Variants in PTPRM observed in about 807,000 individuals in gnomAD.
PTPRM encodes the protein receptor-type tyrosine-protein phosphatase mu.
Under a neutral mutation model 186.7 loss-of-function variants are expected in PTPRM, and 47 were observed. The observed-to-expected ratio is 0.25, with a 90% CI of 0.20 to 0.32. The LOEUF (loss-of-function observed/expected upper bound fraction) is 0.32, where lower values mean the gene tolerates loss of function less well. Among genes scored for constraint, PTPRM ranks in the 10% least tolerant of loss-of-function variants. The pLI is 1.00. For missense variants in PTPRM, 1,494 were observed against 1,865.0 expected (o/e 0.80, Z 3.66); for synonymous variants, 668 against 674.9 (o/e 0.99, Z 0.16).
rs1164697967 is a variant in PTPRM, at chr18:8,063,169, T to G, written c.1133-6517T>G. On this transcript the variant is annotated intron_variant, in intron 7 of 32. Coordinates refer to ENST00000580170, the MANE Select transcript of PTPRM (RefSeq NM_001105244.2). Reference sequence around the variant, plus strand: ...GGGATATAGTCTCGTGGTGCGCCGTTTTTTAAGCCGGTCTGAAAAGCGCAG... The same window carrying G: ...GGGATATAGTCTCGTGGTGCGCCGTGTTTTAAGCCGGTCTGAAAAGCGCAG... Among the ~76,000 whole-genome samples the G allele has an allele frequency of 3.3e-5, 5 of 151,170 alleles. No homozygotes were observed. In the South Asian group the frequency reaches 1.0e-3, roughly 32 times the overall value.
intron 14 of PTPRM, among the ~76,000 whole-genome samples, chr18:8,230,273 G>A (rs1338682024): frequency 6.6e-6 from 1 of 152,208 alleles, no homozygotes; most frequent in South Asian, 2.1e-4. Flanking sequence ...AACAGAGAGT[G>A]GCTGGGTAGG....
At chr18:7,675,649 C>T (rs764953817) in intron 1 of PTPRM, among the ~76,000 whole-genome samples, 2 of 152,140 alleles carry the variant, frequency 1.3e-5, no homozygotes, top group Non-Finnish European at 2.9e-5. Flanking sequence ...GCATCTCACC[C>T]CTTTGCACAC....
At chr18:7,596,380 T>G (rs574278258) in intron 1 of PTPRM, among the ~76,000 whole-genome samples, 4 of 152,332 alleles carry the variant, frequency 2.6e-5, no homozygotes, top group Admixed American at 1.3e-4. Context: ...ATTTTCCATT[T>G]ATGTCACAAT....
At chr18:7,579,978 C>G (rs1338537717) in intron 1 of PTPRM, among the ~76,000 whole-genome samples, 2 of 152,186 alleles carry the variant, frequency 1.3e-5, no homozygotes, top group African/African-American at 4.8e-5. Context: ...ACTAGCTCAT[C>G]ATTTTGGCCA....
chr18:8,288,312 G>A (rs1486473250), intron 19 of PTPRM, among the ~76,000 whole-genome samples: 1 of 152,142 alleles, frequency 6.6e-6, no homozygotes. Flanking sequence ...CTTCATCATT[G>A]GCAACATGAC....
chr18:8,317,491 A>T (rs913144760), intron 21 of PTPRM, among the ~76,000 whole-genome samples: 3 of 152,156 alleles, frequency 2.0e-5, no homozygotes, highest in Non-Finnish European at 2.9e-5. Flanking sequence ...AAACAAGAAT[A>T]TAGGATTCAT....
intron 7 of PTPRM, among the ~76,000 whole-genome samples, chr18:8,038,808 G>C (rs758592646): frequency 3.9e-5 from 6 of 152,130 alleles, no homozygotes; most frequent in Non-Finnish European, 7.3e-5. Context: ...GCAAGTCTCT[G>C]TCTTACCCCT....
At chr18:8,019,581 CTTCTTTTCTT>C (rs879427110) in intron 7 of PTPRM, among the ~76,000 whole-genome samples, 1 of 151,578 alleles carries the variant, frequency 6.6e-6, no homozygotes, top group African/African-American at 2.4e-5. Context: ...TTTCCTCCTA[CTTCTTTTCTT>C]TTCTTTTCTT....
rs776894602 is a variant in PTPRM, at chr18:8,113,537, G to A, written c.1908G>A (p.Thr636=). ...AACGTCCTCGAAGAACTAAAAAGACGACAGAAATCTTAAAGTGCTACCCAG... is the reference window on the plus strand; with the variant it reads ...AACGTCCTCGAAGAACTAAAAAGACAACAGAAATCTTAAAGTGCTACCCAG... ...EEERPRRTKK[T]TEILKCYPVP... Residue 636 remains threonine (T), a synonymous_variant, in exon 12 of 33, where the codon ACG becomes ACA. Transcript: ENST00000580170. 4.6e-5 allele frequency: 74 copies of A among 1,613,614 alleles called. 2 individuals carry two copies. The South Asian group carries it at 4.6e-4, about 10-fold the overall frequency.
intron 23 of PTPRM, among the ~76,000 whole-genome samples, chr18:8,367,728 C>G: frequency 6.6e-6 from 1 of 152,196 alleles, no homozygotes; most frequent in East Asian, 1.9e-4. Flanking sequence ...GAGCGCATCT[C>G]CCAATAATCC....
intron 14 of PTPRM, among the ~76,000 whole-genome samples, chr18:8,238,659 T>G (rs558312419): frequency 0.23 from 31,253 of 133,828 alleles, 4,181 homozygotes; most frequent in African/African-American, 0.31. Flanking sequence ...GTGTTTTTTT[T>G]TTTTTTTTTT....
intron 1 of PTPRM, among the ~76,000 whole-genome samples, chr18:7,642,145 AAT>A (rs1391898682): frequency 2.0e-5 from 3 of 152,180 alleles, no homozygotes. Flanking sequence ...AAGAAAATTG[AAT>A]ATTTCTGAGA....
intron 7 of PTPRM, among the ~76,000 whole-genome samples, chr18:8,059,401 C>A: frequency 1.5e-5 from 1 of 68,838 alleles, no homozygotes; most frequent in Non-Finnish European, 2.8e-5. Context: ...CGTCTGCAAA[C>A]AGGGACAATT....
intron 2 of PTPRM, among the ~76,000 whole-genome samples, chr18:7,798,088 G>A (rs925128596): frequency 1.3e-5 from 2 of 152,144 alleles, no homozygotes; most frequent in African/African-American, 4.8e-5. Context: ...TCCCACTTGA[G>A]TGACAGAGAT....
intron 14 of PTPRM, among the ~76,000 whole-genome samples, chr18:8,161,776 G>A (rs996456290): frequency 1.3e-5 from 2 of 152,044 alleles, no homozygotes; most frequent in Admixed American, 6.5e-5. Context: ...CTTTACCCAC[G>A]TGCTCATTCA....
At chr18:8,368,675 T>C (rs1331700518) in intron 23 of PTPRM, among the ~76,000 whole-genome samples, 1 of 152,154 alleles carries the variant, frequency 6.6e-6, no homozygotes, top group Non-Finnish European at 1.5e-5. Flanking sequence ...TGGGGGAACA[T>C]CAGTGCACCT....
At chr18:8,204,004 G>A (rs1477533592) in intron 14 of PTPRM, among the ~76,000 whole-genome samples, 1 of 152,122 alleles carries the variant, frequency 6.6e-6, no homozygotes, top group Admixed American at 6.5e-5. Context: ...TTCCATATGT[G>A]CAGGATTCAC....
At chr18:7,856,736 C>T (rs1231049487) in intron 2 of PTPRM, among the ~76,000 whole-genome samples, 2 of 107,696 alleles carry the variant, frequency 1.9e-5, no homozygotes, top group Non-Finnish European at 3.6e-5. Flanking sequence ...AGAGCAAGAC[C>T]CTGTCTCAAA....
At chr18:7,730,196 G>A (rs1226164102) in intron 1 of PTPRM, among the ~76,000 whole-genome samples, 3 of 152,124 alleles carry the variant, frequency 2.0e-5, no homozygotes, top group East Asian at 1.9e-4. Context: ...AGATTCTTTA[G>A]AGGGTGTCAC....
Sources: allele counts gnomAD v4.1 joint callset (sites outside exome capture counted in the v4.1 genomes callset), GRCh38; gene constraint gnomAD v4.1.1; transcripts MANE v1.5; gene names NCBI Gene and HGNC (gene_info 2026-07-23, HGNC 2026-07-21).